The following BTC variants were observed in gnomAD, a reference collection of about 807,000 sequenced individuals.
BTC encodes probetacellulin.
BTC carries 13 observed loss-of-function variants against 18.1 expected under a neutral mutation model. That is an observed-to-expected ratio of 0.72 (90% confidence interval 0.47 to 1.14). The LOEUF is 1.14. BTC is among the 50% of genes most tolerant of loss of function. BTC has a pLI of 0.00. For synonymous variants in BTC, 83 were observed against 79.4 expected, an observed-to-expected ratio of 1.05 and a Z score of -0.24; for missense variants, 247 against 224.2, an observed-to-expected ratio of 1.10 and a Z score of -0.65.
At chr4:74,750,422 A>C in intron 4 of BTC, 151 bp downstream of exon 4, 3 of 687,452 alleles carry the variant, frequency 4.4e-6, no homozygotes, top group Non-Finnish European at 6.9e-6. Context: ...TATTATGAAT[A>C]CTTCTATATC....
chr4:74,778,461 C>T (rs574983382), intron 1 of BTC, among the ~76,000 whole-genome samples: 1 of 152,056 alleles, frequency 6.6e-6, no homozygotes, highest in East Asian at 1.9e-4. Flanking sequence ...AAGAAAGGGA[C>T]AAAACAATAA....
intron 2 of BTC, among the ~76,000 whole-genome samples, chr4:74,769,520 C>T (rs888966745): frequency 1.3e-5 from 2 of 152,154 alleles, no homozygotes; most frequent in African/African-American, 4.8e-5. Context: ...TTACTAAGGC[C>T]TTCACTAAAA....
intron 1 of BTC, among the ~76,000 whole-genome samples, chr4:74,789,560 G>A (rs900070556): frequency 2.6e-5 from 4 of 151,998 alleles, no homozygotes; most frequent in African/African-American, 4.8e-5. Flanking sequence ...TTACACAAAA[G>A]GAGTTTAAGC....
chr4:74,784,124 C>G (rs534266440), intron 1 of BTC, among the ~76,000 whole-genome samples: 44 of 151,136 alleles, frequency 2.9e-4, no homozygotes, highest in African/African-American at 1.0e-3. Context: ...CCCAGCTACT[C>G]TGGAGGCTGA....
At chr4:74,764,320 C>T (rs562592076) in intron 2 of BTC, among the ~76,000 whole-genome samples, 1 of 152,296 alleles carries the variant, frequency 6.6e-6, no homozygotes, top group South Asian at 2.1e-4. Flanking sequence ...CTGTGGCACG[C>T]TAAGACCAGG....
At chr4:74,752,668 C>T (rs182451683) in intron 3 of BTC, among the ~76,000 whole-genome samples, 7 of 152,008 alleles carry the variant, frequency 4.6e-5, no homozygotes, top group Non-Finnish European at 1.0e-4. Context: ...CGTGAGCCAC[C>T]GTGACTGGCC....
intron 2 of BTC, among the ~76,000 whole-genome samples, chr4:74,761,187 A>G (rs1337435049): frequency 6.6e-6 from 1 of 152,212 alleles, no homozygotes; most frequent in Non-Finnish European, 1.5e-5. Context: ...ATGTTTAAAA[A>G]TATTCATGGC....
At chr4:74,784,003 C>A (rs1725408681) in intron 1 of BTC, among the ~76,000 whole-genome samples, 1 of 151,848 alleles carries the variant, frequency 6.6e-6, no homozygotes, top group Non-Finnish European at 1.5e-5. Flanking sequence ...GAGGCCGAGG[C>A]AGATGGATCA....
Position 74,745,060 on chromosome 4 carries a change from C to T in BTC, c.*1617G>A, listed in dbSNP as rs542671384. 1.3e-5 allele frequency: 2 copies of T among 152,232 alleles called. No individual in the cohort carries two copies. Among genetic ancestry groups the T allele is most frequent in the East Asian group, 1.9e-4 (1 of 5,178 alleles). The allele number at this position is 152,232 out of a possible 1,614,324, so 9.4% of individuals were successfully genotyped here. A position where few individuals can be genotyped will look rare whatever the true frequency, so the allele number is the denominator to read the frequency against. On this transcript the variant is annotated 3_prime_UTR_variant, in exon 6 of 6. Transcript: ENST00000395743. ...ATGGATATTTATTCCAAGCTCCTTTCGTATCGAAGAAGACTACATAAGAGA... is the reference window on the plus strand; with the variant it reads ...ATGGATATTTATTCCAAGCTCCTTTTGTATCGAAGAAGACTACATAAGAGA...
At chr4:74,753,103 A>C (rs1273413531) in intron 3 of BTC, among the ~76,000 whole-genome samples, 1 of 152,222 alleles carries the variant, frequency 6.6e-6, no homozygotes, top group Non-Finnish European at 1.5e-5. Flanking sequence ...AAGAAGAGGC[A>C]AAGAGAGCAG....
At chr4:74,757,298 T>C (rs1553956810) in intron 2 of BTC, among the ~76,000 whole-genome samples, 1 of 152,240 alleles carries the variant, frequency 6.6e-6, no homozygotes, top group East Asian at 1.9e-4. Context: ...ATCTAAATAC[T>C]GCAAATTCCT....
chr4:74,750,083 G>A (rs1209370261), intron 4 of BTC, among the ~76,000 whole-genome samples: 17 of 151,998 alleles, frequency 1.1e-4, no homozygotes, highest in Admixed American at 7.9e-4. Flanking sequence ...GCAAAAGAGC[G>A]AGACTCTGTC....
intron 2 of BTC, among the ~76,000 whole-genome samples, chr4:74,764,993 G>A (rs147801122): frequency 4.7e-4 from 71 of 151,892 alleles, no homozygotes; most frequent in African/African-American, 1.6e-3. Context: ...AAATCATCAG[G>A]ACTCGTGAGA....
intron 1 of BTC, among the ~76,000 whole-genome samples, chr4:74,785,372 T>C (rs140691269): frequency 1.6e-3 from 249 of 152,180 alleles, no homozygotes; most frequent in African/African-American, 5.8e-3. Context: ...AAAACGCCAG[T>C]TCCTGGATTT....
At chr4:74,777,044 A>G (rs1303893907) in intron 1 of BTC, among the ~76,000 whole-genome samples, 1 of 152,192 alleles carries the variant, frequency 6.6e-6, no homozygotes, top group Non-Finnish European at 1.5e-5. Context: ...AGAATATTTC[A>G]TTGTCGCACC....
At chr4:74,757,225 T>A (rs1724625062) in intron 2 of BTC, among the ~76,000 whole-genome samples, 1 of 152,188 alleles carries the variant, frequency 6.6e-6, no homozygotes, top group Admixed American at 6.5e-5. Context: ...ATTAATATTA[T>A]GAAAAGGGTA....
In BTC at chr4:74,794,211, T is replaced by C. The variant is rs190304442; in HGVS notation, c.64+51A>G. On this transcript the variant is annotated intron_variant, in intron 1 of 5. Transcript: ENST00000395743. ...GTTCAGGGTTCGCCCTCCCCGCGAC[T>C]CCAGCCCCAGACTTTCCTCCTGGTT... is the stretch of plus-strand genomic sequence containing the variant. 13,209 of 1,547,828 alleles carry C rather than the reference T, an allele frequency of 8.5e-3. 67 individuals carry two copies. Among genetic ancestry groups the C allele is most frequent in the South Asian group, 0.012 (977 of 83,970 alleles).
At chr4:74,790,910 G>C (rs1320979042) in intron 1 of BTC, among the ~76,000 whole-genome samples, 1 of 152,172 alleles carries the variant, frequency 6.6e-6, no homozygotes, top group Non-Finnish European at 1.5e-5. Flanking sequence ...TAGGCAGTAG[G>C]GAAAGCAAAG....
intron 1 of BTC, among the ~76,000 whole-genome samples, chr4:74,793,874 G>C (rs1035219781): frequency 6.6e-6 from 1 of 151,930 alleles, no homozygotes; most frequent in African/African-American, 2.4e-5. Context: ...TTCCCTGCTC[G>C]CCCCTGCCCC....
Sources: gnomAD v4.1 joint callset for allele counts (sites outside exome capture counted in the v4.1 genomes callset) on GRCh38, gnomAD v4.1.1 for gene constraint, MANE v1.5 for transcripts, NCBI Gene and HGNC (gene_info 2026-07-23, HGNC 2026-07-21) for gene names.